ARHGEF11: variants seen among roughly 807,000 people sequenced by gnomAD.
ARHGEF11 encodes the protein Rho guanine exchange factor (GEF) 11.
Under a neutral mutation model 193.7 loss-of-function variants are expected in ARHGEF11, and 55 were observed. The ratio of observed to expected loss-of-function variants is 0.28; its 90% CI spans 0.23 to 0.36. The LOEUF is 0.36. ARHGEF11 is among the 10% of genes least tolerant of loss of function. The pLI, the probability that ARHGEF11 is intolerant of heterozygous loss-of-function variation, is 1.00. For missense variants in ARHGEF11, 1,723 were observed against 2,005.6 expected (o/e 0.86, Z 2.69); for synonymous variants, 693 against 768.0 (o/e 0.90, Z 1.62).
intron 1 of ARHGEF11, among the ~76,000 whole-genome samples, chr1:157,032,570 T>A (rs893887882): frequency 6.6e-5 from 10 of 152,180 alleles, no homozygotes; most frequent in African/African-American, 2.4e-4. Context: ...ACCTCTGACC[T>A]AGGGCAATAC....
chr1:157,038,386 G>C (rs1672328662), intron 1 of ARHGEF11, among the ~76,000 whole-genome samples: 1 of 152,196 alleles, frequency 6.6e-6, no homozygotes, highest in Non-Finnish European at 1.5e-5. Flanking sequence ...TTAAAATGAG[G>C]AGGAAAATCT....
intron 1 of ARHGEF11, among the ~76,000 whole-genome samples, chr1:156,997,852 ATT>A (rs368706785): frequency 6.8e-6 from 1 of 147,998 alleles, no homozygotes; most frequent in Non-Finnish European, 1.5e-5. Context: ...CACCTGTATT[ATT>A]TTTTTTTTTA....
At chr1:157,032,431 G>C (rs569201112) in intron 1 of ARHGEF11, among the ~76,000 whole-genome samples, 4 of 152,350 alleles carry the variant, frequency 2.6e-5, no homozygotes, top group African/African-American at 9.6e-5. Context: ...CTGGGAAGTT[G>C]TAACAATGCA....
At chr1:157,012,927 G>A (rs1211857685) in intron 1 of ARHGEF11, among the ~76,000 whole-genome samples, 1 of 152,146 alleles carries the variant, frequency 6.6e-6, no homozygotes, top group Non-Finnish European at 1.5e-5. Flanking sequence ...AGGTCTCAGG[G>A]AGAAAACTAA....
intron 22 of ARHGEF11, among the ~76,000 whole-genome samples, chr1:156,950,799 C>A (rs566790414): frequency 2.0e-5 from 3 of 152,182 alleles, no homozygotes; most frequent in Non-Finnish European, 4.4e-5. Context: ...TATTTCCCCC[C>A]ACACAAGACC....
At position 156,956,846 on chromosome 1, in the gene ARHGEF11, T is replaced by G. The variant is rs945058364; in HGVS notation, c.1527-282A>C. ...AGCAGAACTCTTCCCCATGAGCAGA[T>G]GATGGTCAGTGGAAGAACATGCCAA... On this transcript the variant is annotated intron_variant, in intron 18 of 40. Coordinates refer to ENST00000368194, the MANE Select transcript of ARHGEF11 (RefSeq NM_198236.3). Among the ~76,000 whole-genome samples the G allele has an allele frequency of 3.3e-5, 5 of 152,130 alleles. No individual in the cohort carries two copies. The South Asian group carries it at 1.0e-3, about 31-fold the overall frequency.
rs780160451 is a variant in ARHGEF11, at chr1:156,958,834, C to T, written c.1410G>A (p.Leu470=). The change falls in exon 17 of 41, where the codon CTG becomes CTA. Residue 470 remains leucine, a synonymous_variant. Transcript: ENST00000368194. Reference sequence around the variant, plus strand: ...GGTCCAGCAGGTCATTTTCACCATACAGGCTGCCCAGCCCCAGTGTGCGCT... The same window carrying T: ...GGTCCAGCAGGTCATTTTCACCATATAGGCTGCCCAGCCCCAGTGTGCGCT... ...RTKRTLGLGS[L]YGENDLLDLD... is the part of the protein sequence containing the mutation. The T allele has an allele frequency of 1.2e-6, 2 of 1,614,126 alleles. No homozygotes were observed. The highest frequency in any genetic ancestry group is 1.3e-5 in the African/African-American group (1 of 74,952).
chr1:156,956,406 T>C lies in ARHGEF11; in HGVS notation c.1671+14A>G. On this transcript the variant is annotated intron_variant, in intron 19 of 40. Coordinates refer to ENST00000368194, the MANE Select transcript of ARHGEF11 (RefSeq NM_198236.3). ...CTAGGATTACAGGCATGAGCCACCA[T>C]GCCCGGCCCTCACCTTCTTGGTCTT... is the stretch of plus-strand genomic sequence containing the variant. The C allele has an allele frequency of 6.2e-7, 1 of 1,613,882 alleles. No individual in the cohort carries two copies. Among genetic ancestry groups the C allele is most frequent in the Non-Finnish European group, 8.5e-7 (1 of 1,179,872 alleles).
intron 1 of ARHGEF11, among the ~76,000 whole-genome samples, chr1:157,013,545 T>C (rs74394279): frequency 0.013 from 1,954 of 152,130 alleles, 37 homozygotes; most frequent in African/African-American, 0.044. Context: ...CTTGGTATTC[T>C]CCCTCCCTCT....
At chr1:156,986,247 G>A in intron 1 of ARHGEF11, 74 bp from the exon 2 acceptor site, 1 of 1,288,580 alleles carries the variant, frequency 7.8e-7, no homozygotes, top group African/African-American at 1.5e-5. Flanking sequence ...TGGAGGCTCT[G>A]TCAAAAGGGG....
chr1:156,992,115 C>G (rs1187437012), intron 1 of ARHGEF11, among the ~76,000 whole-genome samples: 2 of 152,156 alleles, frequency 1.3e-5, no homozygotes, highest in East Asian at 3.8e-4. Flanking sequence ...TTCTTTCTCC[C>G]CATTCCCCAA....
chr1:156,954,782 G>A, intron 21 of ARHGEF11, 110 bp downstream of exon 21: 1 of 912,442 alleles, frequency 1.1e-6, no homozygotes, highest in Non-Finnish European at 1.8e-6. Context: ...GAAAGGGAGG[G>A]AGGAGGAACA....
At position 156,939,262 on chromosome 1, in the gene ARHGEF11, G is replaced by A. The variant is rs992487022; in HGVS notation, c.4096+286C>T. 4.3e-5 allele frequency: 18 copies of A among 421,928 alleles called. 1 individual carries two copies. Among genetic ancestry groups the A allele is most frequent in the African/African-American group, 3.6e-4 (18 of 49,382 alleles). The allele number at this position is 421,928 out of a possible 1,614,324, so 26.1% of individuals were successfully genotyped here. A position where few individuals can be genotyped will look rare whatever the true frequency, so the allele number is the denominator to read the frequency against. ...TGGTACTGGTAGTTGGTTTGTGCCAGGCAGAAAGAAATGTCCTTATGTGCT... is the reference window on the plus strand; with the variant it reads ...TGGTACTGGTAGTTGGTTTGTGCCAAGCAGAAAGAAATGTCCTTATGTGCT... On this transcript the variant is annotated intron_variant, in intron 37 of 40. Transcript: ENST00000368194.
In ARHGEF11 at chr1:156,978,322, C is replaced by A; in HGVS notation, c.392G>T (p.Gly131Val). ...TGCTGGGGATGGGTCCTGCTGGAGC[C>A]CAGAGATGCCCATGGATGAAGGTGA... ...GSSPSSMGIS[G>V]LQQDPSPAGA... Residue 131 changes from glycine to valine, a missense_variant, in exon 6 of 41, where the codon GGG (glycine) becomes GTG (valine). Coordinates refer to ENST00000368194, the MANE Select transcript of ARHGEF11 (RefSeq NM_198236.3). 6.2e-7 allele frequency: 1 copy of A among 1,613,666 alleles called. No individual in the cohort carries two copies. Among genetic ancestry groups the A allele is most frequent in the Non-Finnish European group, 8.5e-7 (1 of 1,179,872 alleles).
At chr1:157,030,478 T>A (rs929816623) in intron 1 of ARHGEF11, among the ~76,000 whole-genome samples, 1 of 152,144 alleles carries the variant, frequency 6.6e-6, no homozygotes, top group Non-Finnish European at 1.5e-5. Flanking sequence ...ACAAGGAAAT[T>A]GTATTGGGAA....
At chr1:156,955,406 A>G (rs1381507415) in intron 20 of ARHGEF11, among the ~76,000 whole-genome samples, 1 of 152,180 alleles carries the variant, frequency 6.6e-6, no homozygotes, top group Non-Finnish European at 1.5e-5. Flanking sequence ...TTTTCTGTCC[A>G]CAGGGCGATC....
intron 1 of ARHGEF11, among the ~76,000 whole-genome samples, chr1:157,025,510 C>T (rs1670536632): frequency 6.6e-6 from 1 of 152,128 alleles, no homozygotes; most frequent in African/African-American, 2.4e-5. Flanking sequence ...CCTCAGCACC[C>T]CTCCCCACCA....
chr1:156,942,743 C>G lies in ARHGEF11; in HGVS notation c.3273G>C (p.Leu1091=), dbSNP rs138184386. ...RAFFIICTSK[L]GPPQIYELVA... The stretch of plus-strand genomic sequence containing the variant: ...CCAGCTCATAGATCTGGGGTGGGCC[C>G]AGCTTGGAGGTGCAGATGATGAAGA... Residue 1091 remains leucine, a synonymous_variant, in exon 33 of 41, where the codon CTG becomes CTC. Coordinates refer to ENST00000368194, the MANE Select transcript of ARHGEF11 (RefSeq NM_198236.3). 5.0e-4 allele frequency: 801 copies of G among 1,614,128 alleles called. 1 individual carries two copies. The highest frequency in any genetic ancestry group is 3.8e-4 in the Non-Finnish European group (447 of 1,179,968).
In ARHGEF11 at chr1:156,936,002, A is replaced by ATGG; in HGVS notation, c.4684_4686dup (p.Pro1562dup). ...AGAGGATTTGGTGGTTTGTACGGTT[A>ATGG]TGGTCCTGGTGACGCGGCTGCGTCT... On this transcript the variant is annotated inframe_insertion, in exon 41 of 41. Transcript: ENST00000368194. 6.2e-7 allele frequency: 1 copy of ATGG among 1,613,200 alleles called. No homozygotes were observed. The highest frequency in any genetic ancestry group is 8.5e-7 in the Non-Finnish European group (1 of 1,179,602).
Sources: gnomAD v4.1 joint callset for allele counts (sites outside exome capture counted in the v4.1 genomes callset) on GRCh38, gnomAD v4.1.1 for gene constraint, MANE v1.5 for transcripts, NCBI Gene and HGNC (gene_info 2026-07-23, HGNC 2026-07-21) for gene names.